LRIF1: variants seen among roughly 807,000 people sequenced by gnomAD.
LRIF1 encodes ligand-dependent nuclear receptor-interacting factor 1.
In LRIF1, 32 loss-of-function variants were observed where a neutral mutation model predicts 52.7. The ratio of observed to expected loss-of-function variants is 0.61; its 90% confidence interval spans 0.46 to 0.82. The LOEUF (loss-of-function observed/expected upper bound fraction) is 0.82, where lower values mean the gene tolerates loss of function less well. LRIF1 is among the 40% of genes least tolerant of loss of function. The pLI is 0.00. For synonymous variants in LRIF1, 323 were observed against 317.4 expected (o/e 1.02, Z -0.19); for missense variants, 887 against 892.0 (o/e 0.99, Z 0.07).
At chr1:110,923,885 A>G in the LRIF1 span, among the ~76,000 whole-genome samples, 60 of 152,304 alleles carry the variant, frequency 3.9e-4, no homozygotes, top group Non-Finnish European at 7.6e-4. Context: ...AAACATTAAC[A>G]TTCATACAGG....
At chr1:110,891,469 T>G in the LRIF1 span, 1 of 1,611,192 alleles carries the variant, frequency 6.2e-7, no homozygotes, top group Non-Finnish European at 8.5e-7. Flanking sequence ...CTTGCTCTTT[T>G]GGGTAAGTGT....
At chr1:110,951,192 TG>T in intron 2 of LRIF1, 95 bp downstream of exon 2, 3 of 1,004,494 alleles carry the variant, frequency 3.0e-6, no homozygotes, top group East Asian at 5.0e-5. Flanking sequence ...GGGTTGGCAG[TG>T]GGGGAAAGAG....
the LRIF1 span, among the ~76,000 whole-genome samples, chr1:110,891,781 G>A: frequency 6.6e-6 from 1 of 152,282 alleles, no homozygotes; most frequent in African/African-American, 2.4e-5. Flanking sequence ...GATATTGAGT[G>A]CCTCTGTTTT....
intron 1 of LRIF1, among the ~76,000 whole-genome samples, chr1:110,953,133 C>G (rs1344150474): frequency 6.6e-6 from 1 of 151,906 alleles, no homozygotes; most frequent in Non-Finnish European, 1.5e-5. Flanking sequence ...TAGCATCCTC[C>G]CTTCCCCCTT....
At chr1:110,899,013 G>A in the LRIF1 span, 4 of 725,172 alleles carry the variant, frequency 5.5e-6, no homozygotes, top group Non-Finnish European at 9.5e-6. Context: ...TGGTTGGAAG[G>A]GTGGTTTCAG....
chr1:110,908,480 C>T, the LRIF1 span, among the ~76,000 whole-genome samples: 3 of 152,124 alleles, frequency 2.0e-5, no homozygotes, highest in Admixed American at 6.5e-5. Context: ...AAGGTTGAAA[C>T]TCAATCCACA....
the LRIF1 span, among the ~76,000 whole-genome samples, chr1:110,923,475 A>T: frequency 7.9e-5 from 12 of 152,196 alleles, no homozygotes. Context: ...AAGGGTCATA[A>T]ATCAAGTCTC....
the LRIF1 span, among the ~76,000 whole-genome samples, chr1:110,934,791 C>T: frequency 2.0e-5 from 3 of 152,160 alleles, no homozygotes; most frequent in South Asian, 2.1e-4. Flanking sequence ...GGGAAGGAGG[C>T]GGGCCTGGCT....
the LRIF1 span, among the ~76,000 whole-genome samples, chr1:110,927,635 T>C: frequency 6.6e-6 from 1 of 152,200 alleles, no homozygotes; most frequent in East Asian, 1.9e-4. Context: ...TTCATGCCAA[T>C]GAGATGAGTC....
the LRIF1 span, among the ~76,000 whole-genome samples, chr1:110,879,041 T>A: frequency 1.3e-5 from 2 of 152,202 alleles, no homozygotes; most frequent in Non-Finnish European, 2.9e-5. Flanking sequence ...TTTTTTATTT[T>A]TTTTACAAAT....
chr1:110,963,729 G>A lies in LRIF1; in HGVS notation c.-41C>T. On this transcript the variant is annotated 5_prime_UTR_variant, in exon 1 of 4. Transcript: ENST00000369763. ...GGGGACACCTCATCCAGAAAAGTGG[G>A]AAGCGTGGGGCCGAGTTTCCCAATG... 1 of 1,522,314 alleles carries A rather than the reference G, an allele frequency of 6.6e-7. No individual in the cohort carries two copies. Among genetic ancestry groups the A allele is most frequent in the Non-Finnish European group, 9.0e-7 (1 of 1,107,184 alleles). 94.3% of individuals were successfully genotyped at this position (1,522,314 alleles called of 1,614,324 possible). A position where few individuals can be genotyped will look rare whatever the true frequency, so the allele number is the denominator to read the frequency against.
chr1:110,900,758 A>C, the LRIF1 span, among the ~76,000 whole-genome samples: 1 of 151,752 alleles, frequency 6.6e-6, no homozygotes, highest in Non-Finnish European at 1.5e-5. Flanking sequence ...CTCAAAAAAA[A>C]AAAAAAACAA....
intron 3 of LRIF1, among the ~76,000 whole-genome samples, chr1:110,949,029 G>C (rs1389765462): frequency 6.6e-6 from 1 of 152,110 alleles, no homozygotes; most frequent in Non-Finnish European, 1.5e-5. Flanking sequence ...AAAAAATGTA[G>C]TAGGTGAATA....
chr1:110,894,914 C>T, the LRIF1 span: 1 of 1,445,410 alleles, frequency 6.9e-7, no homozygotes, highest in Admixed American at 1.7e-5. Context: ...TCCTTGAACT[C>T]ACCTGCTTTT....
At chr1:110,942,400 T>C (rs1658114845), downstream of LRIF1, 1 of 152,130 alleles carries the variant, frequency 6.6e-6, no homozygotes, top group African/African-American at 2.4e-5. Context: ...GAATTTTCTC[T>C]GTGTATGTTT....
the LRIF1 span, among the ~76,000 whole-genome samples, chr1:110,904,138 G>T: frequency 2.6e-5 from 4 of 152,184 alleles, no homozygotes; most frequent in African/African-American, 9.7e-5. Flanking sequence ...GAGTTCTAAG[G>T]TTTTCCACTC....
intron 3 of LRIF1, among the ~76,000 whole-genome samples, chr1:110,949,005 G>C (rs1238915250): frequency 6.6e-6 from 1 of 152,010 alleles, no homozygotes; most frequent in Non-Finnish European, 1.5e-5. Flanking sequence ...CCATTTTCTT[G>C]TAACATAATG....
Position 110,963,713 on chromosome 1 carries a change from T to A in LRIF1, c.-25A>T, listed in dbSNP as rs762529856. The A allele has an allele frequency of 3.8e-6, 6 of 1,577,984 alleles. No homozygotes were observed. In the Admixed American group the frequency reaches 1.0e-4, roughly 27 times the overall value. On this transcript the variant is annotated 5_prime_UTR_variant, in exon 1 of 4. Transcript: ENST00000369763. The stretch of plus-strand genomic sequence containing the variant: ...TTTTAGTGGGGAGAAAGGGGACACC[T>A]CATCCAGAAAAGTGGGAAGCGTGGG...
At chr1:110,933,821 C>T in the LRIF1 span, among the ~76,000 whole-genome samples, 2 of 152,134 alleles carry the variant, frequency 1.3e-5, no homozygotes, top group Admixed American at 6.5e-5. Context: ...AAACAGTAGA[C>T]TTGGGGGACA....
Sources: allele counts gnomAD v4.1 joint callset (sites outside exome capture counted in the v4.1 genomes callset), GRCh38; gene constraint gnomAD v4.1.1; transcripts MANE v1.5; gene names NCBI Gene and HGNC (gene_info 2026-07-23, HGNC 2026-07-21).